Variants in ALDH1L1 observed in about 807,000 individuals in gnomAD.
The protein encoded by ALDH1L1 is aldehyde dehydrogenase 1 family member L1, also known as cytosolic 10-formyltetrahydrofolate dehydrogenase.
Under a neutral mutation model 101.1 loss-of-function variants are expected in ALDH1L1, and 68 were observed. The observed-to-expected ratio is 0.67, with a 90% CI of 0.55 to 0.82. The LOEUF (loss-of-function observed/expected upper bound fraction) is 0.82, where lower values mean the gene tolerates loss of function less well. Ranked by LOEUF, ALDH1L1 falls within the 40% of genes least tolerant of loss-of-function variation. ALDH1L1 has a pLI of 0.00. For synonymous variants in ALDH1L1, 486 were observed against 470.8 expected, an observed-to-expected ratio of 1.03 and a Z score of -0.42; for missense variants, 1,087 against 1,172.7, an observed-to-expected ratio of 0.93 and a Z score of 1.07.
At chr3:126,120,424 G>A (rs143132558) in intron 16 of ALDH1L1, among the ~76,000 whole-genome samples, 35 of 152,320 alleles carry the variant, frequency 2.3e-4, no homozygotes, top group Admixed American at 1.2e-3. Flanking sequence ...AAGGCATAAC[G>A]ATGGAGACAA....
intron 12 of ALDH1L1, among the ~76,000 whole-genome samples, chr3:126,134,579 C>G (rs887948586): frequency 6.6e-6 from 1 of 152,240 alleles, no homozygotes; most frequent in East Asian, 1.9e-4. Flanking sequence ...CCCTCCCTGC[C>G]CCAACCCTAA....
intron 1 of ALDH1L1, among the ~76,000 whole-genome samples, chr3:126,163,057 C>A (rs1047758799): frequency 6.6e-6 from 1 of 152,164 alleles, no homozygotes; most frequent in Non-Finnish European, 1.5e-5. Context: ...GGTGAAGATA[C>A]ATAACCTAAA....
At position 126,158,479 on chromosome 3, in the gene ALDH1L1, A is replaced by C; in HGVS notation, c.288T>G (p.Ser96Arg). The change falls in exon 3 of 23, where the codon AGT (serine) becomes AGG (arginine). Residue 96 changes from serine to arginine, a missense_variant. This residue lies in a region of ALDH1L1 where 645 missense variants were observed against 637.0 expected (regional missense o/e 1.01). Transcript: ENST00000393434. ...AGATGATGGAGCCATGCCGGGGGGC[A>C]CTGATTATCTCCATGGGGATGAATT... ...CSQFIPMEIISAPRHGSIIYH... is the reference protein window; with the variant it reads ...CSQFIPMEIIRAPRHGSIIYH... 6.2e-7 allele frequency: 1 copy of C among 1,614,054 alleles called. No homozygotes were observed. The highest frequency in any genetic ancestry group is 8.5e-7 in the Non-Finnish European group (1 of 1,179,956).
In ALDH1L1 at chr3:126,136,833, GA is replaced by G. The variant is rs781670014; in HGVS notation, c.1274del (p.Phe425SerfsTer64). 1 of 1,611,498 alleles carries G rather than the reference GA, an allele frequency of 6.2e-7. No individual in the cohort carries two copies. Among genetic ancestry groups the G allele is most frequent in the South Asian group, 1.1e-5 (1 of 90,176 alleles). ...KRTVRMPHQL[F>X]IGGEFVDAEG... The stretch of plus-strand genomic sequence containing the variant: ...CGGCATCCACGAACTCCCCCCCAAT[GA>G]AGAGCTGGTGGGGCATGCGGACAGT... On this transcript the variant is annotated frameshift_variant, in exon 11 of 23. Transcript: ENST00000393434. LOFTEE classifies it high-confidence loss of function.
Position 126,139,260 on chromosome 3 carries a change from T to C in ALDH1L1, c.1077-1300A>G, listed in dbSNP as rs115687030. On this transcript the variant is annotated intron_variant, in intron 9 of 22. Transcript: ENST00000393434. ...TTCCCTCCACTTTGGTAGCCAGACA[T>C]TTATGGAAATCTTTGTTAGGTCACT... 4.2e-3 allele frequency among the ~76,000 whole-genome samples: 647 copies of C among 152,336 alleles called. 8 individuals carry two copies. The highest frequency in any genetic ancestry group is 0.015 in the African/African-American group (611 of 41,586).
chr3:126,164,138 AAAGGCAAGGC>A (rs1038972749), intron 1 of ALDH1L1, among the ~76,000 whole-genome samples: 6 of 152,196 alleles, frequency 3.9e-5, no homozygotes, highest in African/African-American at 1.4e-4. Context: ...CTCAAAAAAA[AAAGGCAAGGC>A]AAGGCAAGGT....
chr3:126,139,751 G>T (rs2080527573), intron 9 of ALDH1L1, among the ~76,000 whole-genome samples: 1 of 152,138 alleles, frequency 6.6e-6, no homozygotes, highest in African/African-American at 2.4e-5. Flanking sequence ...AAATTCTTGA[G>T]CTGGCAAGTA....
intron 1 of ALDH1L1, among the ~76,000 whole-genome samples, chr3:126,174,061 G>A (rs985296784): frequency 5.9e-5 from 9 of 152,104 alleles, no homozygotes; most frequent in African/African-American, 1.7e-4. Context: ...TTGGGGGGGC[G>A]GAGTTTCACT....
chr3:126,136,972 C>T (rs968932395), intron 10 of ALDH1L1, 89 bp from the exon 11 acceptor site: 40 of 1,523,142 alleles, frequency 2.6e-5, no homozygotes, highest in Middle Eastern at 1.7e-4. Flanking sequence ...ACACACACTG[C>T]CCAGGGGCCT....
At chr3:126,162,758 CTT>C (rs1486979325) in intron 1 of ALDH1L1, among the ~76,000 whole-genome samples, 1 of 152,170 alleles carries the variant, frequency 6.6e-6, no homozygotes, top group Admixed American at 6.5e-5. Flanking sequence ...TTTAAAAAAT[CTT>C]TGCCTACTCC....
chr3:126,122,925 C>T (rs1279737618), intron 16 of ALDH1L1, among the ~76,000 whole-genome samples: 1 of 152,010 alleles, frequency 6.6e-6, no homozygotes, highest in African/African-American at 2.4e-5. Context: ...ACAGGAGATT[C>T]ATAGAAAATG....
intron 6 of ALDH1L1, among the ~76,000 whole-genome samples, chr3:126,154,118 C>A (rs4546108): frequency 0.07 from 10,645 of 152,242 alleles, 478 homozygotes; most frequent in African/African-American, 0.12. Context: ...GTCCCGCCAC[C>A]CCTGATGCCT....
chr3:126,180,289 T>G (rs1035368630), intron 1 of ALDH1L1, 187 bp downstream of exon 1: 1 of 246,980 alleles, frequency 4.0e-6, no homozygotes, highest in East Asian at 1.8e-4. Flanking sequence ...CCTCAATTGC[T>G]CCAAAGAACT....
intron 10 of ALDH1L1, among the ~76,000 whole-genome samples, chr3:126,137,173 A>G (rs2080464208): frequency 1.3e-5 from 2 of 152,212 alleles, no homozygotes; most frequent in African/African-American, 2.4e-5. Flanking sequence ...TGGCTAGTGA[A>G]GCCCTTGGCA....
chr3:126,119,773 A>T (rs1280331650), intron 16 of ALDH1L1, among the ~76,000 whole-genome samples: 1 of 152,252 alleles, frequency 6.6e-6, no homozygotes, highest in African/African-American at 2.4e-5. Flanking sequence ...GAACTCTCAA[A>T]ACTCAACAAT....
chr3:126,121,347 A>T (rs2080076175), intron 16 of ALDH1L1, among the ~76,000 whole-genome samples: 1 of 152,234 alleles, frequency 6.6e-6, no homozygotes, highest in Non-Finnish European at 1.5e-5. Flanking sequence ...CATACAGGCC[A>T]TAGTCTCTGA....
rs1376745092 is a variant in ALDH1L1, at chr3:126,158,494, G to A, written c.273C>T (p.Pro91=). ...GCCGGGGGGCACTGATTATCTCCAT[G>A]GGGATGAATTGGCTGCAGAAGGGCA... The part of the protein sequence containing the change: ...NVLPFCSQFI[P]MEIISAPRHG... The change falls in exon 3 of 23, where the codon CCC becomes CCT. Residue 91 remains proline (P), a synonymous_variant. Transcript: ENST00000393434. The A allele has an allele frequency of 5.6e-6, 9 of 1,614,050 alleles. No individual in the cohort carries two copies. Among genetic ancestry groups the A allele is most frequent in the Non-Finnish European group, 5.9e-6 (7 of 1,180,014 alleles).
intron 16 of ALDH1L1, among the ~76,000 whole-genome samples, chr3:126,118,862 C>A (rs1367253529): frequency 6.6e-6 from 1 of 152,098 alleles, no homozygotes; most frequent in Non-Finnish European, 1.5e-5. Context: ...CCGTCCCACG[C>A]CCCCAGCCCC....
chr3:126,125,441 C>A (rs2080162047), intron 15 of ALDH1L1, among the ~76,000 whole-genome samples, 175 bp downstream of exon 15: 1 of 152,228 alleles, frequency 6.6e-6, no homozygotes. Context: ...GCTCTGCCTG[C>A]CACATACGCC....
Sources: gnomAD v4.1 joint callset for allele counts (sites outside exome capture counted in the v4.1 genomes callset) on GRCh38, gnomAD v4.1.1 for gene constraint, gnomAD v4.1.1 regional missense constraint, MANE v1.5 for transcripts, NCBI Gene and HGNC (gene_info 2026-07-23, HGNC 2026-07-21) for gene names.